Variants in NF1 observed in about 807,000 individuals in gnomAD.
NF1 encodes neurofibromin 1.
Under a neutral mutation model 325.7 loss-of-function variants are expected in NF1, and 122 were observed. That is an observed-to-expected ratio of 0.37 (90% CI 0.32 to 0.44). The LOEUF (loss-of-function observed/expected upper bound fraction) is 0.44, where lower values mean the gene tolerates loss of function less well. Among genes scored for constraint, NF1 ranks in the 20% least tolerant of loss-of-function variants. The probability of loss-of-function intolerance (pLI) is 1.00; values close to 1 mark genes in which losing one functional copy is unlikely to be tolerated. For missense variants in NF1, 2,140 were observed against 3,415.4 expected (o/e 0.63, Z 9.31); for synonymous variants, 1,091 against 1,186.0 (o/e 0.92, Z 1.65).
intron 36 of NF1, among the ~76,000 whole-genome samples, chr17:31,291,681 G>A (rs2068345925): frequency 6.6e-6 from 1 of 152,124 alleles, no homozygotes; most frequent in Non-Finnish European, 1.5e-5. Context: ...GGAATTTGCT[G>A]TTGTTTGATA....
chr17:31,270,406 T>G (rs912155270), intron 36 of NF1, among the ~76,000 whole-genome samples: 1 of 152,108 alleles, frequency 6.6e-6, no homozygotes, highest in Non-Finnish European at 1.5e-5. Context: ...CTCAGGAGTT[T>G]GAGATCAGCT....
rs775485185 is a variant in NF1 at position 31,227,304 on chromosome 17, C to A, written c.2325+13C>A. The A allele has an allele frequency of 6.2e-7, 1 of 1,613,246 alleles. No homozygotes were observed. Among genetic ancestry groups the A allele is most frequent in the Non-Finnish European group, 8.5e-7 (1 of 1,179,282 alleles). ...AGGAAACACTGAGGTATGCCCTTAG[C>A]AACAGAAACACCCCTCCCAGGCGCC... is the stretch of plus-strand genomic sequence containing the variant. On this transcript the variant is annotated intron_variant, in intron 19 of 57. Coordinates refer to ENST00000358273, the MANE Select transcript of NF1 (RefSeq NM_001042492.3).
chr17:31,314,774 C>T (rs1347379393), intron 36 of NF1, among the ~76,000 whole-genome samples: 1 of 152,140 alleles, frequency 6.6e-6, no homozygotes, highest in Non-Finnish European at 1.5e-5. Context: ...AGTGGGAGTG[C>T]AGATGTCTCT....
intron 57 of NF1, among the ~76,000 whole-genome samples, chr17:31,365,325 G>A (rs1394166238): frequency 1.4e-5 from 2 of 146,980 alleles, no homozygotes; most frequent in Admixed American, 1.4e-4. Context: ...TGAATTAATA[G>A]GATCCATTTC....
intron 36 of NF1, chr17:31,319,016 T>C: frequency 1.9e-6 from 3 of 1,589,710 alleles, no homozygotes; most frequent in Non-Finnish European, 1.7e-6. Flanking sequence ...GTGGGCATGC[T>C]TGGCAATCTG....
At chr17:31,163,460 T>A in intron 4 of NF1, 84 bp downstream of exon 4, 1 of 1,463,046 alleles carries the variant, frequency 6.8e-7, no homozygotes, top group Non-Finnish European at 9.4e-7. Flanking sequence ...AATAAAAAGT[T>A]AATGGAAATG....
At chr17:31,150,957 C>G (rs1404212505) in intron 1 of NF1, among the ~76,000 whole-genome samples, 41 of 151,978 alleles carry the variant, frequency 2.7e-4, no homozygotes, top group Admixed American at 6.5e-4. Flanking sequence ...ATCGCTTCAA[C>G]CTTGGAAGCA....
chr17:31,143,293 G>A (rs1455453902), intron 1 of NF1, among the ~76,000 whole-genome samples: 1 of 151,756 alleles, frequency 6.6e-6, no homozygotes, highest in East Asian at 1.9e-4. Context: ...TTTGAGACGG[G>A]TCTTGTTCTA....
At chr17:31,227,899 G>GGA (rs1172793426) in intron 20 of NF1, among the ~76,000 whole-genome samples, 2 of 152,142 alleles carry the variant, frequency 1.3e-5, no homozygotes, top group Admixed American at 6.5e-5. Flanking sequence ...TTACTCTATT[G>GGA]GACAGCAGAG....
At chr17:31,316,240 A>G (rs2069017717) in intron 36 of NF1, among the ~76,000 whole-genome samples, 1 of 152,128 alleles carries the variant, frequency 6.6e-6, no homozygotes, top group Non-Finnish European at 1.5e-5. Flanking sequence ...AGGGGTAGGG[A>G]ATGTGTTTTT....
intron 35 of NF1, among the ~76,000 whole-genome samples, chr17:31,264,095 T>C (rs1343419965): frequency 6.6e-6 from 1 of 152,000 alleles, no homozygotes; most frequent in Non-Finnish European, 1.5e-5. Context: ...TAAAAGAAAA[T>C]ATGTGTACTT....
In NF1 at chr17:31,265,743, C is replaced by T. The variant is rs17880567; in HGVS notation, c.4835+404C>T. Among the ~76,000 whole-genome samples, 30 of 152,056 alleles carry T rather than the reference C, an allele frequency of 2.0e-4. No individual in the cohort carries two copies. In the South Asian group the frequency reaches 6.0e-3, roughly 31 times the overall value. On this transcript the variant is annotated intron_variant, in intron 36 of 57. Transcript: ENST00000358273. ...ATTTCTGAGAACTTTTAAAAATATG[C>T]TGTGTAAGACAGCATCAGGATGATT...
intron 36 of NF1, chr17:31,320,271 G>A (rs2069146670): frequency 2.3e-6 from 2 of 854,182 alleles, no homozygotes; most frequent in East Asian, 2.8e-5. Context: ...TTTACTAAAT[G>A]AAATTGCCTG....
chr17:31,113,407 G>A (rs913119283), intron 1 of NF1, among the ~76,000 whole-genome samples: 5 of 151,824 alleles, frequency 3.3e-5, no homozygotes, highest in African/African-American at 9.7e-5. Flanking sequence ...CACCACGCTC[G>A]GCTCATTTTC....
intron 1 of NF1, among the ~76,000 whole-genome samples, chr17:31,135,290 T>C (rs1915685012): frequency 6.6e-6 from 1 of 152,216 alleles, no homozygotes; most frequent in South Asian, 2.1e-4. Context: ...GAGTCCTGTA[T>C]CATCATGTAG....
At chr17:31,213,580 A>T (rs553566884) in intron 12 of NF1, among the ~76,000 whole-genome samples, 2 of 152,160 alleles carry the variant, frequency 1.3e-5, no homozygotes, top group Non-Finnish European at 2.9e-5. Flanking sequence ...AGAATCAGAT[A>T]GTTTTGTGTT....
intron 50 of NF1, among the ~76,000 whole-genome samples, chr17:31,350,577 G>T (rs903713759): frequency 2.0e-5 from 3 of 152,144 alleles, no homozygotes; most frequent in African/African-American, 7.2e-5. Context: ...AATGAAAAGA[G>T]ATGCTCTTGA....
At chr17:31,210,689 A>C (rs1567840267) in intron 12 of NF1, among the ~76,000 whole-genome samples, 1 of 152,252 alleles carries the variant, frequency 6.6e-6, no homozygotes, top group Non-Finnish European at 1.5e-5. Flanking sequence ...TGCCATATTA[A>C]GATCTGATGT....
At position 31,259,054 on chromosome 17, in the gene NF1, A is replaced by G. The variant is rs1567862291; in HGVS notation, c.4355A>G (p.His1452Arg). The G allele has an allele frequency of 6.2e-7, 1 of 1,601,984 alleles. No homozygotes were observed. The highest frequency in any genetic ancestry group is 8.5e-7 in the Non-Finnish European group (1 of 1,172,664). ...MSKILQSIAN[H>R]VLFTKEEHMR... ...TAGATACTTCAGAGTATTGCCAATC[A>G]TGTTCTCTTCACAAAAGAAGAACAT... Residue 1452 changes from histidine to arginine, a missense_variant, in exon 33 of 58, where the codon CAT (histidine) becomes CGT (arginine). Physicochemically the swap from His to Arg is conservative, Grantham distance 29. Coordinates refer to ENST00000358273, the MANE Select transcript of NF1 (RefSeq NM_001042492.3).
Sources: gnomAD v4.1 joint callset for allele counts (sites outside exome capture counted in the v4.1 genomes callset) on GRCh38, gnomAD v4.1.1 for gene constraint, MANE v1.5 for transcripts, NCBI Gene and HGNC (gene_info 2026-07-23, HGNC 2026-07-21) for gene names.